OPCML: variants seen among roughly 807,000 people sequenced by gnomAD.
OPCML encodes opioid binding protein/cell adhesion molecule like.
OPCML carries 13 observed loss-of-function variants against 37.8 expected under a neutral mutation model. The ratio of observed to expected loss-of-function variants is 0.34; its 90% CI spans 0.22 to 0.55. OPCML has a LOEUF of 0.55. Among genes scored for constraint, OPCML ranks in the 20% least tolerant of loss-of-function variants. The pLI is 0.91. For synonymous variants in OPCML, 176 were observed against 168.8 expected (o/e 1.04, Z -0.33); for missense variants, 341 against 435.6 (o/e 0.78, Z 1.93).
chr11:133,247,597 T>TTCATCTG (rs1940983886), intron 1 of OPCML, among the ~76,000 whole-genome samples: 1 of 143,956 alleles, frequency 6.9e-6, no homozygotes, highest in Non-Finnish European at 1.5e-5. Context: ...CTGTCTTTCT[T>TTCATCTG]TCTTTCTTTC....
intron 1 of OPCML, among the ~76,000 whole-genome samples, chr11:132,985,804 T>C (rs1187504957): frequency 6.6e-6 from 1 of 152,240 alleles, no homozygotes; most frequent in Non-Finnish European, 1.5e-5. Context: ...TTTTCTCTGC[T>C]TCTCCTAATA....
intron 4 of OPCML, among the ~76,000 whole-genome samples, chr11:132,438,451 A>T (rs1329067750): frequency 6.6e-6 from 1 of 152,208 alleles, no homozygotes; most frequent in African/African-American, 2.4e-5. Context: ...TGGGTCCACC[A>T]TGGATGTGAA....
chr11:132,823,766 A>C (rs1397284554), intron 2 of OPCML, among the ~76,000 whole-genome samples: 1 of 151,568 alleles, frequency 6.6e-6, no homozygotes, highest in Non-Finnish European at 1.5e-5. Context: ...TCATCCCTTC[A>C]TCTCTGCCTC....
At chr11:133,381,582 C>T (rs920875575) in intron 1 of OPCML, among the ~76,000 whole-genome samples, 7 of 152,024 alleles carry the variant, frequency 4.6e-5, no homozygotes, top group Non-Finnish European at 8.8e-5. Flanking sequence ...CACTCACACC[C>T]CTGGAGAAAG....
intron 1 of OPCML, among the ~76,000 whole-genome samples, chr11:133,461,897 T>G (rs1946868683): frequency 6.6e-6 from 1 of 151,914 alleles, no homozygotes; most frequent in Non-Finnish European, 1.5e-5. Context: ...AAAGCTTTGG[T>G]AGCCTAAACT....
intron 2 of OPCML, among the ~76,000 whole-genome samples, chr11:132,814,156 A>AT (rs1339408695): frequency 6.6e-6 from 1 of 152,218 alleles, no homozygotes; most frequent in East Asian, 1.9e-4. Flanking sequence ...ATACTGTTGA[A>AT]TTCTACTACG....
chr11:133,523,043 A>G (rs1948425224), intron 1 of OPCML, among the ~76,000 whole-genome samples: 1 of 152,148 alleles, frequency 6.6e-6, no homozygotes, highest in African/African-American at 2.4e-5. Flanking sequence ...GCGCTTTTCT[A>G]AAATGCCTGA....
intron 1 of OPCML, among the ~76,000 whole-genome samples, chr11:133,350,831 T>C (rs1944120104): frequency 6.6e-6 from 1 of 152,156 alleles, no homozygotes; most frequent in South Asian, 2.1e-4. Context: ...AACTCACATC[T>C]CAGTGAACAT....
At chr11:132,453,976 T>C (rs775895195) in intron 4 of OPCML, among the ~76,000 whole-genome samples, 9 of 152,204 alleles carry the variant, frequency 5.9e-5, no homozygotes, top group Non-Finnish European at 1.2e-4. Flanking sequence ...CTGAAGGAAA[T>C]TGCAGTCATG....
chr11:133,445,039 C>T (rs4936190), intron 1 of OPCML, among the ~76,000 whole-genome samples: 4,393 of 98,164 alleles, frequency 0.045, 974 homozygotes, highest in African/African-American at 0.22. Context: ...GAGACCACCA[C>T]ACCCCATCTA....
At chr11:132,594,519 C>A (rs1001606395) in intron 3 of OPCML, among the ~76,000 whole-genome samples, 1 of 152,100 alleles carries the variant, frequency 6.6e-6, no homozygotes, top group Non-Finnish European at 1.5e-5. Flanking sequence ...CATTTACATT[C>A]AACCCTTTTG....
At chr11:132,888,991 C>A (rs1273458998) in intron 2 of OPCML, among the ~76,000 whole-genome samples, 1 of 152,158 alleles carries the variant, frequency 6.6e-6, no homozygotes, top group Non-Finnish European at 1.5e-5. Flanking sequence ...TATCTGAGAG[C>A]AGTGCCACAG....
chr11:132,746,844 G>T (rs762603107), intron 2 of OPCML, among the ~76,000 whole-genome samples: 1 of 152,102 alleles, frequency 6.6e-6, no homozygotes, highest in African/African-American at 2.4e-5. Flanking sequence ...TCCTTCAAGG[G>T]CAAGAGTGGC....
intron 2 of OPCML, among the ~76,000 whole-genome samples, chr11:132,887,245 G>T (rs1434596573): frequency 3.3e-5 from 5 of 152,190 alleles, no homozygotes; most frequent in Non-Finnish European, 7.3e-5. Flanking sequence ...TAGCCTAGGA[G>T]CAGTCGGCTC....
intron 1 of OPCML, among the ~76,000 whole-genome samples, chr11:133,018,289 T>C (rs2136894753): frequency 6.6e-6 from 1 of 152,346 alleles, no homozygotes; most frequent in Admixed American, 6.5e-5. Context: ...GGGCCAAAAA[T>C]GGATGCAGAA....
intron 2 of OPCML, among the ~76,000 whole-genome samples, chr11:132,849,715 A>G (rs1238198301): frequency 2.6e-5 from 4 of 152,218 alleles, no homozygotes; most frequent in East Asian, 1.9e-4. Context: ...TAGAAAGCAG[A>G]CACACAGCCC....
intron 2 of OPCML, among the ~76,000 whole-genome samples, chr11:132,896,409 C>T (rs541838268): frequency 6.6e-6 from 1 of 152,308 alleles, no homozygotes; most frequent in Admixed American, 6.5e-5. Context: ...AACTTAAATG[C>T]AATGGGAGTA....
intron 2 of OPCML, among the ~76,000 whole-genome samples, chr11:132,795,828 T>C (rs894653432): frequency 1.3e-5 from 2 of 152,232 alleles, no homozygotes; most frequent in African/African-American, 2.4e-5. Context: ...GGCATTGAAC[T>C]GACTTAGCCC....
chr11:133,401,977 G>T (rs887173052), intron 1 of OPCML, among the ~76,000 whole-genome samples: 2 of 152,132 alleles, frequency 1.3e-5, no homozygotes, highest in African/African-American at 4.8e-5. Context: ...AAAATCAACT[G>T]GGCCGCGAGC....
Sources: allele counts gnomAD v4.1 joint callset (sites outside exome capture counted in the v4.1 genomes callset), GRCh38; gene constraint gnomAD v4.1.1; transcripts MANE v1.5; gene names NCBI Gene and HGNC (gene_info 2026-07-23, HGNC 2026-07-21).